Variants in BAZ2B observed in about 807,000 individuals in gnomAD.
The protein encoded by BAZ2B is bromodomain adjacent to zinc finger domain 2B.
A neutral mutation model predicts 246.0 loss-of-function variants in BAZ2B; 91 were observed. The observed-to-expected ratio is 0.37, with a 90% CI of 0.31 to 0.44. The LOEUF (loss-of-function observed/expected upper bound fraction) is 0.44, where lower values mean the gene tolerates loss of function less well. BAZ2B is among the 20% of genes least tolerant of loss of function. BAZ2B has a pLI of 1.00. For missense variants in BAZ2B, 2,332 were observed against 2,533.7 expected (o/e 0.92, Z 1.71); for synonymous variants, 855 against 860.0 (o/e 0.99, Z 0.10).
chr2:159,632,352 A>G, the BAZ2B span, among the ~76,000 whole-genome samples: 1 of 152,210 alleles, frequency 6.6e-6, no homozygotes, highest in African/African-American at 2.4e-5. Flanking sequence ...CCAGCTTATA[A>G]AAGTCAAATG....
At chr2:159,676,853 G>A in the BAZ2B span, among the ~76,000 whole-genome samples, 1 of 151,576 alleles carries the variant, frequency 6.6e-6, no homozygotes, top group Non-Finnish European at 1.5e-5. Context: ...TAGTGTGAAT[G>A]TACTTAATGC....
chr2:159,412,448 C>G lies in BAZ2B; in HGVS notation c.2564G>C (p.Arg855Pro), dbSNP rs760522361. 15 of 1,613,970 alleles carry G rather than the reference C, an allele frequency of 9.3e-6. No individual in the cohort carries two copies. The highest frequency in any genetic ancestry group is 1.3e-5 in the Non-Finnish European group (15 of 1,179,996). ...TCTCATCCTGGATTCCTCTCTTGCT[C>G]GTTGTCTATCTGGATTTGGTGGTCT... is the stretch of plus-strand genomic sequence containing the variant. ...RGRPPNPDRQ[R>P]AREESRMRRR... The change falls in exon 14 of 37, where the codon CGA becomes CCA. Residue 855 changes from arginine (R) to proline (P), a missense_variant. Around this residue, in one of 9 missense-constraint regions of BAZ2B, gnomAD observed 651 missense variants for 650.9 expected, o/e 1.00. Coordinates refer to ENST00000392783, the MANE Select transcript of BAZ2B (RefSeq NM_013450.4).
intron 2 of BAZ2B, among the ~76,000 whole-genome samples, chr2:159,484,765 T>C (rs991881239): frequency 6.6e-6 from 1 of 152,160 alleles, no homozygotes. Context: ...TATGTAAACA[T>C]GATTAGTTCC....
chr2:159,346,231 TG>T (rs2067763541), intron 31 of BAZ2B, among the ~76,000 whole-genome samples: 1 of 152,224 alleles, frequency 6.6e-6, no homozygotes, highest in South Asian at 2.1e-4. Context: ...TTATTAGCTC[TG>T]GAAAACTACA....
chr2:159,427,584 C>G (rs1408742054), intron 13 of BAZ2B, among the ~76,000 whole-genome samples: 1 of 152,066 alleles, frequency 6.6e-6, no homozygotes, highest in Non-Finnish European at 1.5e-5. Context: ...ATAATAGGGT[C>G]TTCATATTCA....
intron 20 of BAZ2B, among the ~76,000 whole-genome samples, chr2:159,393,118 AT>A (rs1363437494): frequency 6.6e-6 from 1 of 152,172 alleles, no homozygotes; most frequent in Non-Finnish European, 1.5e-5. Context: ...CAAGACAAAA[AT>A]GATCAGAATA....
chr2:159,467,174 G>A (rs1199838403), intron 3 of BAZ2B, among the ~76,000 whole-genome samples: 3 of 152,162 alleles, frequency 2.0e-5, no homozygotes, highest in African/African-American at 4.8e-5. Context: ...TGAGAACAGT[G>A]CCAGACAAAT....
the BAZ2B span, among the ~76,000 whole-genome samples, chr2:159,678,052 T>C: frequency 6.6e-6 from 1 of 152,200 alleles, no homozygotes; most frequent in Non-Finnish European, 1.5e-5. Context: ...TCTCACGCTA[T>C]TACAGTTAGA....
intron 31 of BAZ2B, among the ~76,000 whole-genome samples, chr2:159,341,020 C>T (rs1000621183): frequency 1.3e-5 from 2 of 151,936 alleles, no homozygotes; most frequent in African/African-American, 2.4e-5. Context: ...AAGCACTCAC[C>T]TATAAATAGT....
intron 3 of BAZ2B, among the ~76,000 whole-genome samples, chr2:159,457,187 A>AT (rs1226463867): frequency 1.3e-5 from 2 of 152,220 alleles, no homozygotes; most frequent in Non-Finnish European, 2.9e-5. Context: ...ATGCTTAAGT[A>AT]ACTGGCCTAC....
chr2:159,324,770 G>T, intron 36 of BAZ2B, 41 bp downstream of exon 36: 1 of 1,330,504 alleles, frequency 7.5e-7, no homozygotes, highest in Non-Finnish European at 1.0e-6. Flanking sequence ...CATATATCAG[G>T]TATTCAATAA....
the BAZ2B span, among the ~76,000 whole-genome samples, chr2:159,673,805 A>C: frequency 6.6e-6 from 1 of 152,206 alleles, no homozygotes; most frequent in African/African-American, 2.4e-5. Context: ...AAGAATATAT[A>C]ATTACATGTG....
intron 1 of BAZ2B, among the ~76,000 whole-genome samples, chr2:159,590,708 C>G (rs1689199925): frequency 6.6e-6 from 1 of 151,938 alleles, no homozygotes; most frequent in South Asian, 2.1e-4. Context: ...CAAAATAATT[C>G]CAAAAAGGTG....
intron 2 of BAZ2B, among the ~76,000 whole-genome samples, chr2:159,546,845 A>G (rs1164526847): frequency 6.6e-6 from 1 of 152,170 alleles, no homozygotes; most frequent in Non-Finnish European, 1.5e-5. Context: ...CATAACAGAA[A>G]TAACAAATCT....
chr2:159,709,776 C>A, the BAZ2B span, among the ~76,000 whole-genome samples: 1 of 152,138 alleles, frequency 6.6e-6, no homozygotes, highest in Non-Finnish European at 1.5e-5. Flanking sequence ...TCTGAAAGAG[C>A]ATTCTAAGCT....
Position 159,502,851 on chromosome 2 carries a change from G to A in BAZ2B, c.-2-24130C>T, listed in dbSNP as rs550606078. On this transcript the variant is annotated intron_variant, in intron 2 of 36. Coordinates refer to ENST00000392783, the MANE Select transcript of BAZ2B (RefSeq NM_013450.4). ...CACATACTCTTACCAAACTCTCTCA[G>A]GTGCTCGTCCATTTAGTAATCTTGC... is the stretch of plus-strand genomic sequence containing the variant. 3.3e-5 allele frequency among the ~76,000 whole-genome samples: 5 copies of A among 152,192 alleles called. No individual in the cohort carries two copies. In the South Asian group the frequency reaches 8.3e-4, roughly 25 times the overall value.
the BAZ2B span, among the ~76,000 whole-genome samples, chr2:159,666,000 C>T: frequency 1.5e-4 from 22 of 150,612 alleles, no homozygotes; most frequent in African/African-American, 3.9e-4. Context: ...GTTATTTTCA[C>T]ATTCATGTAT....
chr2:159,618,647 C>G (rs13395473), upstream of BAZ2B, among the ~76,000 whole-genome samples: 5,682 of 152,112 alleles, frequency 0.037, 340 homozygotes, highest in African/African-American at 0.13. Flanking sequence ...ATGGAATACA[C>G]TGATATTTCT....
At chr2:159,513,923 G>A (rs574194240) in intron 2 of BAZ2B, among the ~76,000 whole-genome samples, 20 of 151,994 alleles carry the variant, frequency 1.3e-4, no homozygotes, top group Admixed American at 1.3e-3. Flanking sequence ...CTCCATACCC[G>A]TACTCACAAT....
Sources: gnomAD v4.1 joint callset for allele counts (sites outside exome capture counted in the v4.1 genomes callset) on GRCh38, gnomAD v4.1.1 for gene constraint, gnomAD v4.1.1 regional missense constraint, MANE v1.5 for transcripts, NCBI Gene and HGNC (gene_info 2026-07-23, HGNC 2026-07-21) for gene names.